The following TRANK1 variants were observed in gnomAD, a reference collection of about 807,000 sequenced individuals.
The protein encoded by TRANK1 is tetratricopeptide repeat and ankyrin repeat containing 1.
A neutral mutation model predicts 266.0 loss-of-function variants in TRANK1; 198 were observed. That is an observed-to-expected ratio of 0.74 (90% confidence interval 0.66 to 0.84). TRANK1 has a LOEUF of 0.84. Ranked by LOEUF, TRANK1 falls within the 40% of genes least tolerant of loss-of-function variation. The pLI is 0.00. For synonymous variants in TRANK1, 1,396 were observed against 1,384.1 expected (o/e 1.01, Z -0.19); for missense variants, 3,326 against 3,634.6 (o/e 0.92, Z 2.18).
chr3:36,895,660 C>A lies in TRANK1; in HGVS notation c.532G>T (p.Ala178Ser). The change falls in exon 5 of 24, where the codon GCA becomes TCA. Residue 178 changes from alanine to serine, a missense_variant. Coordinates refer to ENST00000645898, the MANE Select transcript of TRANK1 (RefSeq NM_001329998.2). ...CTTACATGCCATAATCCTTTCTTTGCCAACTTTTCTATTACAGATTGCCAC... is the reference window on the plus strand; with the variant it reads ...CTTACATGCCATAATCCTTTCTTTGACAACTTTTCTATTACAGATTGCCAC... ...EVWQSVIEKLAKKGLWHSFLL... is the reference protein window; with the variant it reads ...EVWQSVIEKLSKKGLWHSFLL... 9 of 1,535,184 alleles carry A rather than the reference C, an allele frequency of 5.9e-6. No individual in the cohort carries two copies. The highest frequency in any genetic ancestry group is 7.9e-6 in the Non-Finnish European group (9 of 1,146,130).
chr3:36,932,271 T>C (rs1294534683), intron 1 of TRANK1, among the ~76,000 whole-genome samples: 1 of 152,138 alleles, frequency 6.6e-6, no homozygotes, highest in East Asian at 1.9e-4. Flanking sequence ...CATCTGTCTA[T>C]AGAAATGTTA....
At position 36,857,829 on chromosome 3, in the gene TRANK1, T is replaced by C. The variant is rs746372072; in HGVS notation, c.1893A>G (p.Ala631=). ...AGTCGTTCTTCTTAATCCGGTGCCG[T>C]GCATCTTTGCCCTCTTTGTTCTTCA... ...FNLKNKEGKD[A]RHRIKKNDSL... is the part of the protein sequence containing the mutation. The change falls in exon 13 of 24, where the codon GCA becomes GCG. Residue 631 remains alanine (A), a synonymous_variant. Coordinates refer to ENST00000645898, the MANE Select transcript of TRANK1 (RefSeq NM_001329998.2). This position sits in a 1 kb window ranked among gnomAD's most constrained non-coding sequence, Gnocchi z 4.3. The C allele has an allele frequency of 6.2e-7, 1 of 1,613,890 alleles. No individual in the cohort carries two copies. Among genetic ancestry groups the C allele is most frequent in the South Asian group, 1.1e-5 (1 of 91,074 alleles).
At chr3:36,839,310 C>A (rs2078812081) in intron 18 of TRANK1, among the ~76,000 whole-genome samples, 1 of 152,226 alleles carries the variant, frequency 6.6e-6, no homozygotes, top group Non-Finnish European at 1.5e-5. Flanking sequence ...CTGATCTTTG[C>A]CAGCAGAAAG....
intron 20 of TRANK1, 34 bp from the exon 21 acceptor site, chr3:36,834,941 T>G: frequency 6.4e-7 from 1 of 1,550,644 alleles, no homozygotes. Context: ...TTATTTAGAG[T>G]ACTCATGATT....
intron 8 of TRANK1, among the ~76,000 whole-genome samples, chr3:36,879,889 C>T (rs182347098): frequency 0.14 from 2,806 of 19,586 alleles, 443 homozygotes; most frequent in East Asian, 0.18. Context: ...TATATGTAAA[C>T]ATGCAAATAT....
chr3:36,939,369 TC>T (rs537788575), intron 1 of TRANK1, among the ~76,000 whole-genome samples: 139 of 151,918 alleles, frequency 9.1e-4, no homozygotes, highest in Non-Finnish European at 1.5e-3. Context: ...GACCACAAAT[TC>T]ATGTGGCTCC....
In TRANK1 at chr3:36,829,581, G is replaced by A; in HGVS notation, c.8792C>T (p.Thr2931Ile). Residue 2931 changes from threonine (T) to isoleucine (I), a missense_variant, in exon 23 of 24, where the codon ACC becomes ATC. Physicochemically the swap from Thr to Ile is moderately conservative, Grantham distance 89. Coordinates refer to ENST00000645898, the MANE Select transcript of TRANK1 (RefSeq NM_001329998.2). ...DARDWLMKTETRLKKEGIVQE... is the reference protein window; with the variant it reads ...DARDWLMKTEIRLKKEGIVQE... The stretch of plus-strand genomic sequence containing the variant: ...CTCCTTACCTTCCTTCTTTAAGCGG[G>A]TCTCTGTTTTCATCAACCAGTCTCG... The A allele has an allele frequency of 6.2e-7, 1 of 1,613,934 alleles. No homozygotes were observed. Among genetic ancestry groups the A allele is most frequent in the Non-Finnish European group, 8.5e-7 (1 of 1,179,894 alleles).
Position 36,832,244 on chromosome 3 carries a change from G to T in TRANK1, c.7339C>A (p.Pro2447Thr). 1 of 1,613,926 alleles carries T rather than the reference G, an allele frequency of 6.2e-7. No individual in the cohort carries two copies. ...LIKRCKEPLI[P>T]SIGNTVALLE... ...AGGGCTACTGTGTTTCCAATGCTGG[G>T]GATGAGTGGTTCTTTGCACCTCTTG... Residue 2447 changes from proline (P) to threonine (T), a missense_variant, in exon 22 of 24, where the codon CCC becomes ACC. Transcript: ENST00000645898.
intron 9 of TRANK1, 72 bp downstream of exon 9, chr3:36,874,054 T>C: frequency 2.2e-6 from 3 of 1,371,952 alleles, no homozygotes; most frequent in Non-Finnish European, 2.9e-6. Flanking sequence ...CAAAAAGAGA[T>C]AAACTGATTT....
chr3:36,872,416 T>C (rs1032821042), intron 9 of TRANK1, among the ~76,000 whole-genome samples: 1 of 151,410 alleles, frequency 6.6e-6, no homozygotes, highest in Non-Finnish European at 1.5e-5. Context: ...AAAAAGAAAA[T>C]GAGTCAACTA....
chr3:36,913,360 A>G lies in TRANK1; in HGVS notation c.24-4906T>C, dbSNP rs188767614. On this transcript the variant is annotated intron_variant, in intron 1 of 23. Coordinates refer to ENST00000645898, the MANE Select transcript of TRANK1 (RefSeq NM_001329998.2). Reference sequence around the variant, plus strand: ...CCACCATGACCGTCCTTTTCCTTCTATCTTTCTATCTATCTTTCTTTCTTG... The same window carrying G: ...CCACCATGACCGTCCTTTTCCTTCTGTCTTTCTATCTATCTTTCTTTCTTG... 2.7e-5 allele frequency among the ~76,000 whole-genome samples: 4 copies of G among 150,196 alleles called. No individual in the cohort carries two copies. The East Asian group carries it at 6.0e-4, about 23-fold the overall frequency.
intron 1 of TRANK1, 189 bp from the exon 2 acceptor site, chr3:36,908,643 G>T: frequency 8.2e-7 from 1 of 1,224,796 alleles, no homozygotes; most frequent in Non-Finnish European, 1.0e-6. Context: ...CTATTTCTTT[G>T]TCAGTTCTTT....
At chr3:36,909,719 T>A (rs1255987981) in intron 1 of TRANK1, among the ~76,000 whole-genome samples, 1 of 152,180 alleles carries the variant, frequency 6.6e-6, no homozygotes, top group African/African-American at 2.4e-5. Context: ...ACATAAGTGG[T>A]GATTTATTTT....
At chr3:36,929,146 AT>A (rs5847943) in intron 1 of TRANK1, among the ~76,000 whole-genome samples, 5,361 of 144,004 alleles carry the variant, frequency 0.037, 297 homozygotes, top group African/African-American at 0.13. Context: ...TAAAACATTA[AT>A]TTTTTTTTTT....
intron 18 of TRANK1, among the ~76,000 whole-genome samples, chr3:36,841,051 C>T (rs1264908720): frequency 6.6e-6 from 1 of 152,234 alleles, no homozygotes; most frequent in Admixed American, 6.5e-5. Context: ...GAAATTCCTT[C>T]TCCAGGCATG....
intron 9 of TRANK1, among the ~76,000 whole-genome samples, chr3:36,873,480 T>C (rs1299461827): frequency 1.3e-5 from 2 of 152,214 alleles, no homozygotes; most frequent in Non-Finnish European, 2.9e-5. Flanking sequence ...TTCCTTTCTA[T>C]AGGTCTGCCC....
chr3:36,940,013 C>A (rs1232002960), intron 1 of TRANK1, among the ~76,000 whole-genome samples: 19 of 151,890 alleles, frequency 1.3e-4, no homozygotes, highest in African/African-American at 4.1e-4. Context: ...GCCTCAGCCT[C>A]CCGAGTAGCT....
rs58927290 is a variant in TRANK1 at position 36,908,550 on chromosome 3, C to A, written c.24-96G>T. ...CTGAAATCTGGAGAAGGAGTTCGCT[C>A]ACTATGGCCCCACCCACCTTCAAAG... On this transcript the variant is annotated intron_variant, in intron 1 of 23. Coordinates refer to ENST00000645898, the MANE Select transcript of TRANK1 (RefSeq NM_001329998.2). 1.8e-4 allele frequency: 220 copies of A among 1,231,362 alleles called. 1 individual carries two copies. The African/African-American group carries it at 3.0e-3, about 17-fold the overall frequency. 76.3% of individuals were successfully genotyped at this position (1,231,362 alleles called of 1,614,324 possible). A position where few individuals can be genotyped will look rare whatever the true frequency, so the allele number is the denominator to read the frequency against.
chr3:36,869,540 C>G (rs903496086), intron 9 of TRANK1, among the ~76,000 whole-genome samples: 1 of 152,242 alleles, frequency 6.6e-6, no homozygotes, highest in African/African-American at 2.4e-5. Flanking sequence ...AGCGGCAGCT[C>G]TTCCTAAAGA....
Sources: gnomAD v4.1 joint callset for allele counts (sites outside exome capture counted in the v4.1 genomes callset) on GRCh38, gnomAD v4.1.1 for gene constraint, Gnocchi (gnomAD v3.1) non-coding constraint, MANE v1.5 for transcripts, NCBI Gene and HGNC (gene_info 2026-07-23, HGNC 2026-07-21) for gene names.